Variants in CHD2 observed in about 807,000 individuals in gnomAD.
The protein encoded by CHD2 is chromodomain helicase DNA binding protein 2, also known as ATP-dependent chromatin remodeler CHD2.
In CHD2, 28 loss-of-function variants were observed where a neutral mutation model predicts 243.9. The ratio of observed to expected loss-of-function variants is 0.11; its 90% confidence interval spans 0.09 to 0.16. The LOEUF is 0.16. Ranked by LOEUF, CHD2 falls within the 10% of genes least tolerant of loss-of-function variation. The pLI is 1.00. For synonymous variants in CHD2, 775 were observed against 779.0 expected, an observed-to-expected ratio of 0.99 and a Z score of 0.09; for missense variants, 1,386 against 2,209.8, an observed-to-expected ratio of 0.63 and a Z score of 7.47.
At chr15:92,943,485 G>T (rs1432590296) in intron 9 of CHD2, 6 of 185,796 alleles carry the variant, frequency 3.2e-5, no homozygotes, top group Non-Finnish European at 5.7e-5. Flanking sequence ...GGGTGGCTTA[G>T]ATGTAGAGAG....
At chr15:92,999,495 A>G (rs1286524094) in intron 31 of CHD2, among the ~76,000 whole-genome samples, 3 of 152,186 alleles carry the variant, frequency 2.0e-5, no homozygotes, top group Non-Finnish European at 4.4e-5. Context: ...GCCCAGAAAG[A>G]TGGAATCCCA....
At chr15:92,941,129 G>A (rs1182253836) in intron 7 of CHD2, among the ~76,000 whole-genome samples, 2 of 150,750 alleles carry the variant, frequency 1.3e-5, no homozygotes, top group Non-Finnish European at 2.9e-5. Context: ...AGCCTCCAGA[G>A]TAGCTGGGAT....
chr15:92,995,787 G>T (rs1049171330), intron 28 of CHD2, among the ~76,000 whole-genome samples: 1 of 152,194 alleles, frequency 6.6e-6, no homozygotes, highest in South Asian at 2.1e-4. Context: ...AAGTGGGATT[G>T]CTGGGTCCTG....
At chr15:92,944,585 A>G (rs2053432319) in intron 10 of CHD2, 70 bp downstream of exon 10, 2 of 761,922 alleles carry the variant, frequency 2.6e-6, no homozygotes, top group Admixed American at 2.5e-5. Context: ...TTTGGAAGTA[A>G]TGTAAATTTT....
intron 4 of CHD2, 55 bp downstream of exon 4, chr15:92,927,385 C>A: frequency 7.9e-7 from 1 of 1,269,810 alleles, no homozygotes; most frequent in Non-Finnish European, 1.1e-6. Flanking sequence ...TTACTTCATT[C>A]TTTCTGACTC....
intron 26 of CHD2, among the ~76,000 whole-genome samples, chr15:92,990,653 G>A (rs1338379691): frequency 6.6e-6 from 1 of 152,118 alleles, no homozygotes; most frequent in Non-Finnish European, 1.5e-5. Context: ...TTTAGCTATT[G>A]TCATATTCAG....
At chr15:92,917,621 A>G (rs932778550) in intron 2 of CHD2, among the ~76,000 whole-genome samples, 3 of 152,250 alleles carry the variant, frequency 2.0e-5, no homozygotes, top group African/African-American at 7.2e-5. Context: ...TTGCTTTTCC[A>G]TCTTAAGACA....
At chr15:92,996,719 A>G (rs2141866855) in intron 28 of CHD2, among the ~76,000 whole-genome samples, 1 of 152,350 alleles carries the variant, frequency 6.6e-6, no homozygotes, top group Middle Eastern at 3.4e-3. Context: ...AGATTAAAAT[A>G]CAACTATAAA....
rs552452155 is a variant in CHD2 at position 93,024,137 on chromosome 15, C to T, written c.5154-235C>T. On this transcript the variant is annotated intron_variant, in intron 38 of 38. Transcript: ENST00000394196. ...CCTAAAGGGAGTGAGTTTGCAAAAG[C>T]CATCAGTAATTTTTCAAGTGTGTAC... Among the ~76,000 whole-genome samples, 33 of 142,248 alleles carry T rather than the reference C, an allele frequency of 2.3e-4. No homozygotes were observed. In the East Asian group the frequency reaches 8.0e-3, roughly 35 times the overall value. The allele number at this position is 142,248 out of a possible 152,430, so 93.3% of individuals were successfully genotyped here. A position where few individuals can be genotyped will look rare whatever the true frequency, so the allele number is the denominator to read the frequency against.
chr15:92,928,230 T>C (rs1313119505), intron 4 of CHD2, among the ~76,000 whole-genome samples: 6 of 152,260 alleles, frequency 3.9e-5, no homozygotes, highest in Non-Finnish European at 5.9e-5. Flanking sequence ...CTGAGCTGTT[T>C]TGCCTTTGCT....
Position 92,977,942 on chromosome 15 carries a change from G to T in CHD2, c.2578-292G>T, listed in dbSNP as rs182169713. Reference sequence around the variant, plus strand: ...TTTGTCTGTTTTTATTATTGTTGCTGTTAACTTCTTGTATATTAGTTGTAG... The same window carrying T: ...TTTGTCTGTTTTTATTATTGTTGCTTTTAACTTCTTGTATATTAGTTGTAG... On this transcript the variant is annotated intron_variant, in intron 20 of 38. Transcript: ENST00000394196. 3.9e-5 allele frequency among the ~76,000 whole-genome samples: 6 copies of T among 152,218 alleles called. No individual in the cohort carries two copies. The East Asian group carries it at 1.2e-3, about 29-fold the overall frequency.
intron 5 of CHD2, among the ~76,000 whole-genome samples, chr15:92,932,314 T>G (rs1274545444): frequency 6.6e-6 from 1 of 151,910 alleles, no homozygotes; most frequent in African/African-American, 2.4e-5. Context: ...TAATTGTACT[T>G]TAAGTTCTAG....
intron 3 of CHD2, among the ~76,000 whole-genome samples, chr15:92,926,857 T>A (rs2053071358): frequency 6.6e-6 from 1 of 152,204 alleles, no homozygotes; most frequent in African/African-American, 2.4e-5. Flanking sequence ...GCTTGTATTT[T>A]CAGTTTCACA....
At chr15:92,909,549 G>A (rs572230045) in intron 2 of CHD2, among the ~76,000 whole-genome samples, 20 of 152,216 alleles carry the variant, frequency 1.3e-4, no homozygotes, top group African/African-American at 2.6e-4. Context: ...ACCCAGCCTC[G>A]TGGTGGTATT....
chr15:92,981,367 A>G lies in CHD2; in HGVS notation c.2976A>G (p.Glu992=). The G allele has an allele frequency of 2.5e-6, 4 of 1,612,506 alleles. No homozygotes were observed. Among genetic ancestry groups the G allele is most frequent in the Non-Finnish European group, 3.4e-6 (4 of 1,178,712 alleles). Reference sequence around the variant, plus strand: ...CGTGTTGGCTTTTGTTCTTTTAGGAAATGGATATAGATGAAATTTTGCGGT... The same window carrying G: ...CGTGTTGGCTTTTGTTCTTTTAGGAGATGGATATAGATGAAATTTTGCGGT... ...ELEGEESEPQ[E]MDIDEILRLA... The change falls in exon 24 of 39, where the codon GAA becomes GAG. Residue 992 remains glutamate (E), a splice_region_variant and synonymous_variant. Coordinates refer to ENST00000394196, the MANE Select transcript of CHD2 (RefSeq NM_001271.4).
At chr15:92,987,216 G>T (rs1456732164) in intron 26 of CHD2, among the ~76,000 whole-genome samples, 1 of 152,072 alleles carries the variant, frequency 6.6e-6, no homozygotes, top group Non-Finnish European at 1.5e-5. Context: ...ATTTCTGTCT[G>T]TAGTAACAAT....
In CHD2 at chr15:92,945,880, T is replaced by G. The variant is rs997644020; in HGVS notation, c.1198+15T>G. 3.2e-6 allele frequency: 5 copies of G among 1,569,312 alleles called. No individual in the cohort carries two copies. The highest frequency in any genetic ancestry group is 4.3e-6 in the Non-Finnish European group (5 of 1,151,444). On this transcript the variant is annotated intron_variant, in intron 11 of 38. Coordinates refer to ENST00000394196, the MANE Select transcript of CHD2 (RefSeq NM_001271.4). Reference sequence around the variant, plus strand: ...AGATTTTCCAGGTAAGCAAGAAATTTTATTTATAAATGTTCTTCAACATTT... The same window carrying G: ...AGATTTTCCAGGTAAGCAAGAAATTGTATTTATAAATGTTCTTCAACATTT...
intron 5 of CHD2, among the ~76,000 whole-genome samples, chr15:92,933,900 C>A (rs1354271908): frequency 6.6e-6 from 1 of 152,230 alleles, no homozygotes. Context: ...GCCACTGTGC[C>A]CGGCCCTTTT....
At chr15:92,931,658 G>A (rs2053169329) in intron 5 of CHD2, among the ~76,000 whole-genome samples, 1 of 152,070 alleles carries the variant, frequency 6.6e-6, no homozygotes, top group African/African-American at 2.4e-5. Context: ...TAGCATACGT[G>A]AGCCACTGCA....
Sources: gnomAD v4.1 joint callset for allele counts (sites outside exome capture counted in the v4.1 genomes callset) on GRCh38, gnomAD v4.1.1 for gene constraint, MANE v1.5 for transcripts, NCBI Gene and HGNC (gene_info 2026-07-23, HGNC 2026-07-21) for gene names.